RABGAP1L: variants seen among roughly 807,000 people sequenced by gnomAD.
RABGAP1L encodes RAB GTPase activating protein 1 like, also known as rab GTPase-activating protein 1-like.
A neutral mutation model predicts 137.7 loss-of-function variants in RABGAP1L; 63 were observed. The ratio of observed to expected loss-of-function variants is 0.46; its 90% CI spans 0.37 to 0.56. The LOEUF (loss-of-function observed/expected upper bound fraction) is 0.56. Among genes scored for constraint, RABGAP1L ranks in the 20% least tolerant of loss-of-function variants. The pLI, the probability that RABGAP1L is intolerant of heterozygous loss-of-function variation, is 0.00. For synonymous variants in RABGAP1L, 431 were observed against 433.7 expected (o/e 0.99, Z 0.08); for missense variants, 1,095 against 1,244.0 (o/e 0.88, Z 1.80).
intron 7 of RABGAP1L, among the ~76,000 whole-genome samples, chr1:174,258,827 G>C (rs1263036889): frequency 6.6e-6 from 1 of 151,888 alleles, no homozygotes; most frequent in East Asian, 1.9e-4. Flanking sequence ...GCCCAGACTG[G>C]AGTGCAGTGA....
intron 13 of RABGAP1L, chr1:174,548,558 T>G (rs1042143004): frequency 1.0e-6 from 1 of 976,014 alleles, no homozygotes; most frequent in African/African-American, 1.8e-5. Context: ...ATCACTATTT[T>G]TCATCTTTTT....
intron 13 of RABGAP1L, among the ~76,000 whole-genome samples, chr1:174,413,880 G>T (rs1363728274): frequency 3.2e-4 from 49 of 152,188 alleles, no homozygotes; most frequent in Non-Finnish European, 1.5e-5. Flanking sequence ...GTCAGGCAGT[G>T]TACTGATTCT....
chr1:174,312,934 C>G (rs556937541), intron 11 of RABGAP1L, among the ~76,000 whole-genome samples: 1 of 152,168 alleles, frequency 6.6e-6, no homozygotes, highest in Non-Finnish European at 1.5e-5. Flanking sequence ...TCTGGGTTCT[C>G]TCTTCAGTTC....
chr1:174,901,072 C>T (rs1345544655), intron 19 of RABGAP1L, among the ~76,000 whole-genome samples: 1 of 152,118 alleles, frequency 6.6e-6, no homozygotes, highest in Non-Finnish European at 1.5e-5. Flanking sequence ...TCTTTCCCCT[C>T]TTTGGTCTAT....
At chr1:174,936,885 A>G (rs1052548096) in intron 19 of RABGAP1L, among the ~76,000 whole-genome samples, 82 of 152,114 alleles carry the variant, frequency 5.4e-4, no homozygotes, top group African/African-American at 1.8e-3. Flanking sequence ...TATAAGTGAC[A>G]TTTGAAAAAA....
chr1:174,429,272 A>T (rs1343051544), intron 13 of RABGAP1L, among the ~76,000 whole-genome samples: 1 of 152,234 alleles, frequency 6.6e-6, no homozygotes, highest in Non-Finnish European at 1.5e-5. Flanking sequence ...AGATAGTTAA[A>T]GGAAGGGCAT....
intron 17 of RABGAP1L, among the ~76,000 whole-genome samples, chr1:174,708,134 C>T (rs1680187279): frequency 6.6e-6 from 1 of 152,182 alleles, no homozygotes; most frequent in Non-Finnish European, 1.5e-5. Context: ...CTTCTCTTCT[C>T]TTCTCAGGAT....
intron 13 of RABGAP1L, among the ~76,000 whole-genome samples, chr1:174,586,092 C>T (rs180994793): frequency 7.9e-5 from 12 of 152,158 alleles, no homozygotes; most frequent in Admixed American, 7.9e-4. Context: ...CATTGCAGCA[C>T]TATTCACAAT....
chr1:174,221,105 T>G lies in RABGAP1L; in HGVS notation c.272T>G (p.Ile91Ser). Reference sequence around the variant, plus strand: ...ATTTCAGACCATTCGTTTGGAGATATTCCAGCCAGCCAAACAAATAAGCCA... The same window carrying G: ...ATTTCAGACCATTCGTTTGGAGATAGTCCAGCCAGCCAAACAAATAAGCCA... ...SEISDHSFGD[I>S]PASQTNKPSL... Residue 91 changes from isoleucine (I) to serine (S), a missense_variant, in exon 3 of 26, where the codon ATT becomes AGT. Coordinates refer to ENST00000681986, the MANE Select transcript of RABGAP1L (RefSeq NM_001366446.1). 1 of 1,613,726 alleles carries G rather than the reference T, an allele frequency of 6.2e-7. No individual in the cohort carries two copies. The highest frequency in any genetic ancestry group is 8.5e-7 in the Non-Finnish European group (1 of 1,179,770).
chr1:174,176,713 GAA>G (rs71563251), intron 1 of RABGAP1L, among the ~76,000 whole-genome samples: 2,098 of 21,188 alleles, frequency 0.099, 28 homozygotes, highest in Middle Eastern at 0.2. Context: ...CCCTTTTTCA[GAA>G]AAAAAAAAAA....
chr1:174,968,729 A>T (rs986049640), intron 20 of RABGAP1L, among the ~76,000 whole-genome samples: 1 of 152,180 alleles, frequency 6.6e-6, no homozygotes, highest in Non-Finnish European at 1.5e-5. Context: ...ATATATTCTT[A>T]CTCAAAGAAT....
chr1:174,894,457 C>T (rs1391186161), intron 19 of RABGAP1L, among the ~76,000 whole-genome samples: 1 of 152,130 alleles, frequency 6.6e-6, no homozygotes, highest in African/African-American at 2.4e-5. Flanking sequence ...AAGATTGTTA[C>T]ACAAGAATTA....
chr1:174,560,406 T>A (rs946422956), intron 13 of RABGAP1L, among the ~76,000 whole-genome samples: 4 of 152,168 alleles, frequency 2.6e-5, no homozygotes, highest in Admixed American at 6.5e-5. Context: ...ATTTAAGAAC[T>A]GTGAATAGAA....
intron 18 of RABGAP1L, among the ~76,000 whole-genome samples, chr1:174,760,508 A>T (rs1685133088): frequency 6.6e-6 from 1 of 152,244 alleles, no homozygotes; most frequent in Non-Finnish European, 1.5e-5. Context: ...ACATGATCTC[A>T]TTCTCCTTAT....
intron 11 of RABGAP1L, among the ~76,000 whole-genome samples, chr1:174,338,672 TTAA>T (rs1258389105): frequency 1.3e-5 from 2 of 152,090 alleles, no homozygotes; most frequent in East Asian, 1.9e-4. Context: ...TTTATTATGA[TTAA>T]TAATATTTAT....
chr1:174,167,167 T>A (rs1158438792), intron 1 of RABGAP1L, among the ~76,000 whole-genome samples: 1 of 152,222 alleles, frequency 6.6e-6, no homozygotes, highest in Non-Finnish European at 1.5e-5. Flanking sequence ...ACCAGTTAAA[T>A]GATAAAGCTA....
At chr1:174,860,904 A>G (rs1650157853) in intron 19 of RABGAP1L, among the ~76,000 whole-genome samples, 1 of 152,160 alleles carries the variant, frequency 6.6e-6, no homozygotes, top group South Asian at 2.1e-4. Context: ...AATACCCCAT[A>G]TAGTTAATGT....
chr1:174,349,087 G>A (rs1451332490), intron 11 of RABGAP1L, among the ~76,000 whole-genome samples: 32 of 142,944 alleles, frequency 2.2e-4, no homozygotes, highest in African/African-American at 5.8e-4. Context: ...AAGACGGGGC[G>A]GCTGGCCGGG....
At chr1:174,300,142 A>G (rs865779866) in intron 10 of RABGAP1L, among the ~76,000 whole-genome samples, 6 of 152,290 alleles carry the variant, frequency 3.9e-5, no homozygotes, top group Middle Eastern at 3.4e-3. Flanking sequence ...ACAGAACATC[A>G]TTTTGGCAAT....
Sources: gnomAD v4.1 joint callset for allele counts (sites outside exome capture counted in the v4.1 genomes callset) on GRCh38, gnomAD v4.1.1 for gene constraint, MANE v1.5 for transcripts, NCBI Gene and HGNC (gene_info 2026-07-23, HGNC 2026-07-21) for gene names.